The following PIGL variants were observed in gnomAD, a reference collection of about 807,000 sequenced individuals.
PIGL encodes phosphatidylinositol glycan anchor biosynthesis class L.
In PIGL, 22 loss-of-function variants were observed where a neutral mutation model predicts 31.1. That is an observed-to-expected ratio of 0.71 (90% confidence interval 0.51 to 1.01). The LOEUF is 1.01. Among genes scored for constraint, PIGL ranks in the 50% least tolerant of loss-of-function variants. The pLI is 0.00. For missense variants in PIGL, 302 were observed against 315.9 expected (o/e 0.96, Z 0.33); for synonymous variants, 131 against 117.4 (o/e 1.12, Z -0.75).
chr17:16,250,848 G>A (rs1253466658), intron 2 of PIGL, among the ~76,000 whole-genome samples: 3 of 152,182 alleles, frequency 2.0e-5, no homozygotes, highest in Non-Finnish European at 2.9e-5. Flanking sequence ...TTGAGCTGAT[G>A]CAATCTGGGT....
intron 1 of PIGL, among the ~76,000 whole-genome samples, chr17:16,224,394 C>A (rs775910100): frequency 6.6e-6 from 1 of 151,854 alleles, no homozygotes; most frequent in Non-Finnish European, 1.5e-5. Flanking sequence ...GTAGCCTCCG[C>A]CTCCTGGATT....
chr17:16,318,254 T>A (rs1299054195), intron 6 of PIGL, among the ~76,000 whole-genome samples: 1 of 151,976 alleles, frequency 6.6e-6, no homozygotes, highest in Non-Finnish European at 1.5e-5. Flanking sequence ...TGTTAACATG[T>A]TGGGCTACAT....
rs368821404 is a variant in PIGL at position 16,317,770 on chromosome 17, T to C, written c.527-5T>C. 2.2e-5 allele frequency: 36 copies of C among 1,613,656 alleles called. No individual in the cohort carries two copies. The African/African-American group carries it at 3.9e-4, about 17-fold the overall frequency. On this transcript the variant is annotated splice_polypyrimidine_tract_variant and splice_region_variant and intron_variant, in intron 5 of 6. Coordinates refer to ENST00000225609, the MANE Select transcript of PIGL (RefSeq NM_004278.4). The stretch of plus-strand genomic sequence containing the variant: ...ATCACTTCACCCTGTCTCCTCTCCA[T>C]CCAGGGTGCTCTGTGCTCACGCTTC...
chr17:16,313,527 A>T lies in PIGL; in HGVS notation c.427-20A>T. The T allele has an allele frequency of 6.3e-7, 1 of 1,596,854 alleles. No homozygotes were observed. Among genetic ancestry groups the T allele is most frequent in the Non-Finnish European group, 8.6e-7 (1 of 1,164,342 alleles). On this transcript the variant is annotated intron_variant, in intron 3 of 6. Coordinates refer to ENST00000225609, the MANE Select transcript of PIGL (RefSeq NM_004278.4). ...GGTGGTGGAGAAGGCATTCAGTGAA[A>T]ACCCTGTGTTTCTCTACAGGTGGTG...
At chr17:16,253,506 C>T (rs2092781373) in intron 2 of PIGL, among the ~76,000 whole-genome samples, 1 of 152,114 alleles carries the variant, frequency 6.6e-6, no homozygotes, top group Admixed American at 6.6e-5. Flanking sequence ...TAAATATATA[C>T]AATTATTACT....
At position 16,316,684 on chromosome 17, in the gene PIGL, C is replaced by G; in HGVS notation, c.498C>G (p.Ala166=). 6.2e-7 allele frequency: 1 copy of G among 1,605,274 alleles called. No homozygotes were observed. The highest frequency in any genetic ancestry group is 8.5e-7 in the Non-Finnish European group (1 of 1,172,744). ...NHIALYAAVR[A]LHSEGKLPKG... ...TCTTGTCCTATCCCTCCTCCAGGGC[C>G]CTGCACTCAGAAGGGAAGTTACCTA... is the stretch of plus-strand genomic sequence containing the variant. The change falls in exon 5 of 7, where the codon GCC becomes GCG. Residue 166 remains alanine (A), a synonymous_variant. Coordinates refer to ENST00000225609, the MANE Select transcript of PIGL (RefSeq NM_004278.4).
intron 2 of PIGL, among the ~76,000 whole-genome samples, chr17:16,279,027 G>A (rs1384298573): frequency 6.6e-6 from 1 of 152,190 alleles, no homozygotes; most frequent in East Asian, 1.9e-4. Flanking sequence ...TGGAGGAACA[G>A]GCCCAGGAAA....
chr17:16,279,729 A>T (rs895010155), intron 2 of PIGL: 6 of 152,240 alleles, frequency 3.9e-5, no homozygotes, highest in African/African-American at 1.4e-4. Context: ...TGAGTCAGTC[A>T]TCAGATTATA....
chr17:16,324,606 A>C (rs1009396000), intron 6 of PIGL, among the ~76,000 whole-genome samples: 1 of 151,974 alleles, frequency 6.6e-6, no homozygotes, highest in Non-Finnish European at 1.5e-5. Context: ...TGATCCACCC[A>C]CCTCAGCCTC....
At chr17:16,228,748 A>G (rs1484955935) in intron 1 of PIGL, among the ~76,000 whole-genome samples, 1 of 152,182 alleles carries the variant, frequency 6.6e-6, no homozygotes, top group Non-Finnish European at 1.5e-5. Context: ...GTATTATGTA[A>G]CCATCACCAC....
chr17:16,308,477 A>G (rs1197591321), intron 3 of PIGL, among the ~76,000 whole-genome samples: 1 of 152,182 alleles, frequency 6.6e-6, no homozygotes, highest in Non-Finnish European at 1.5e-5. Flanking sequence ...TTGAGTACCC[A>G]ATATGGGACA....
intron 2 of PIGL, among the ~76,000 whole-genome samples, chr17:16,256,422 C>T (rs1261900300): frequency 6.6e-6 from 1 of 152,140 alleles, no homozygotes; most frequent in African/African-American, 2.4e-5. Context: ...ACTGCAACCT[C>T]CACCTCCCGA....
chr17:16,288,188 C>T (rs1199188646), intron 2 of PIGL, among the ~76,000 whole-genome samples: 1 of 151,856 alleles, frequency 6.6e-6, no homozygotes, highest in East Asian at 1.9e-4. Flanking sequence ...TTCTTTCCTT[C>T]CTTCCTTCCT....
intron 1 of PIGL, among the ~76,000 whole-genome samples, chr17:16,223,611 G>A (rs973997334): frequency 3.9e-5 from 6 of 151,980 alleles, no homozygotes; most frequent in Non-Finnish European, 7.4e-5. Flanking sequence ...CGGGTGTGGT[G>A]GCTCATGCCT....
At chr17:16,253,267 AAAC>A (rs780274424) in intron 2 of PIGL, among the ~76,000 whole-genome samples, 6 of 152,108 alleles carry the variant, frequency 3.9e-5, no homozygotes, top group South Asian at 2.1e-4. Flanking sequence ...AAAAACAAAC[AAAC>A]AACAACAACA....
chr17:16,258,430 G>A (rs546777153), intron 2 of PIGL, among the ~76,000 whole-genome samples: 7 of 150,830 alleles, frequency 4.6e-5, no homozygotes, highest in Middle Eastern at 3.5e-3. Context: ...TGCCCGCCTC[G>A]GCCTCCCAAA....
At chr17:16,300,063 C>A in intron 3 of PIGL, 85 bp downstream of exon 3, 2 of 998,090 alleles carry the variant, frequency 2.0e-6, no homozygotes, top group Non-Finnish European at 3.2e-6. Flanking sequence ...TCTGTGGCCA[C>A]CCTCCCACTT....
At chr17:16,306,470 C>G (rs111896597) in intron 3 of PIGL, among the ~76,000 whole-genome samples, 1 of 151,336 alleles carries the variant, frequency 6.6e-6, no homozygotes, top group Non-Finnish European at 1.5e-5. Context: ...CACCACCCAC[C>G]TTGTTCTGCA....
chr17:16,223,322 T>C (rs2092637622), intron 1 of PIGL, among the ~76,000 whole-genome samples: 1 of 152,138 alleles, frequency 6.6e-6, no homozygotes, highest in African/African-American at 2.4e-5. Context: ...CTCGTGCCTG[T>C]AACCCCAGAA....
Sources: allele counts gnomAD v4.1 joint callset (sites outside exome capture counted in the v4.1 genomes callset), GRCh38; gene constraint gnomAD v4.1.1; transcripts MANE v1.5; gene names NCBI Gene and HGNC (gene_info 2026-07-23, HGNC 2026-07-21).